Variants in ATXN2 observed in about 807,000 individuals in gnomAD.
The protein encoded by ATXN2 is ataxin 2.
ATXN2 carries 37 observed loss-of-function variants against 138.6 expected under a neutral mutation model. That is an observed-to-expected ratio of 0.27 (90% CI 0.21 to 0.35). The LOEUF (loss-of-function observed/expected upper bound fraction) is 0.35, where lower values mean the gene tolerates loss of function less well. ATXN2 is among the 10% of genes least tolerant of loss of function. The probability of loss-of-function intolerance (pLI) is 1.00; values close to 1 mark genes in which losing one functional copy is unlikely to be tolerated. For missense variants in ATXN2, 1,216 were observed against 1,480.3 expected (o/e 0.82, Z 2.93); for synonymous variants, 549 against 543.7 (o/e 1.01, Z -0.13).
chr12:111,454,897 C>A, intron 23 of ATXN2: 1 of 607,224 alleles, frequency 1.6e-6, no homozygotes, highest in Non-Finnish European at 3.0e-6. Context: ...GAAGCTGACT[C>A]CACCAAACCA....
intron 5 of ATXN2, among the ~76,000 whole-genome samples, chr12:111,541,997 T>C (rs1881547737): frequency 6.8e-6 from 1 of 147,184 alleles, no homozygotes; most frequent in Non-Finnish European, 1.5e-5. Flanking sequence ...CAAACTCCCG[T>C]CCTCAAGTGA....
At chr12:111,463,541 T>C (rs2135663472) in intron 21 of ATXN2, among the ~76,000 whole-genome samples, 1 of 152,098 alleles carries the variant, frequency 6.6e-6, no homozygotes, top group East Asian at 1.9e-4. Flanking sequence ...CCTCCCAAAG[T>C]ACTGGGATTA....
chr12:111,468,140 T>C (rs987921233), intron 20 of ATXN2, among the ~76,000 whole-genome samples: 2 of 152,248 alleles, frequency 1.3e-5, no homozygotes, highest in African/African-American at 4.8e-5. Flanking sequence ...CCTAAGCCTT[T>C]AGCAAACAGG....
At position 111,488,730 on chromosome 12, in the gene ATXN2, A is replaced by T; in HGVS notation, c.1986T>A (p.Asn662Lys). ...AATCTCTTGATTTTTCTCCCTCTCT[A>T]TTTTTGTTTAGTAGTTGATCCATAG... Reference protein sequence around the residue: ...SESMDQLLNKNREGEKSRDLI... With the variant: ...SESMDQLLNKKREGEKSRDLI... The change falls in exon 15 of 25, where the codon AAT (asparagine) becomes AAA (lysine). Residue 662 changes from asparagine (N) to lysine (K), a missense_variant. Physicochemically the swap from Asn to Lys is moderately conservative, Grantham distance 94. Around this residue, in one of 4 missense-constraint regions of ATXN2, gnomAD observed 490 missense variants for 653.5 expected, o/e 0.75. Transcript: ENST00000673436. The T allele has an allele frequency of 6.2e-7, 1 of 1,610,758 alleles. No individual in the cohort carries two copies. Among genetic ancestry groups the T allele is most frequent in the Non-Finnish European group, 8.5e-7 (1 of 1,177,856 alleles).
At chr12:111,551,868 A>C (rs1592893037) in intron 5 of ATXN2, among the ~76,000 whole-genome samples, 1 of 152,096 alleles carries the variant, frequency 6.6e-6, no homozygotes, top group South Asian at 2.1e-4. Flanking sequence ...TCTAGAAAGT[A>C]GATATTTCTT....
intron 1 of ATXN2, among the ~76,000 whole-genome samples, chr12:111,568,635 T>C (rs145598451): frequency 1.3e-5 from 2 of 152,324 alleles, no homozygotes; most frequent in African/African-American, 4.8e-5. Context: ...TGCCCCTTTC[T>C]TGTTAGTTAC....
intron 23 of ATXN2, chr12:111,454,829 T>G (rs1168742307): frequency 1.9e-6 from 1 of 515,704 alleles, no homozygotes; most frequent in Non-Finnish European, 3.5e-6. Flanking sequence ...ACATGTAAGT[T>G]CACATGCCTA....
intron 1 of ATXN2, among the ~76,000 whole-genome samples, chr12:111,576,880 C>T (rs558410153): frequency 6.6e-6 from 1 of 152,078 alleles, no homozygotes; most frequent in East Asian, 2.0e-4. Flanking sequence ...ATGGCATGAA[C>T]CTGGGAGTCG....
intron 1 of ATXN2, among the ~76,000 whole-genome samples, chr12:111,579,057 G>T (rs1883843001): frequency 6.6e-6 from 1 of 152,110 alleles, no homozygotes; most frequent in Admixed American, 6.6e-5. Context: ...TTCATACACT[G>T]CTAGGGAAAG....
intron 12 of ATXN2, 149 bp downstream of exon 12, chr12:111,510,236 C>T (rs1879424189): frequency 1.6e-5 from 15 of 939,422 alleles, no homozygotes; most frequent in Admixed American, 2.7e-5. Context: ...TAGTATTAAA[C>T]AACATCAAAA....
At chr12:111,567,709 G>A (rs1173957508) in intron 1 of ATXN2, among the ~76,000 whole-genome samples, 2 of 151,604 alleles carry the variant, frequency 1.3e-5, no homozygotes, top group Non-Finnish European at 2.9e-5. Context: ...AGCTACTCAT[G>A]AGGCTGACAC....
In ATXN2 at chr12:111,571,971, C is replaced by T. The variant is rs555685461; in HGVS notation, c.252-16052G>A. Among the ~76,000 whole-genome samples, 15 of 147,084 alleles carry T rather than the reference C, an allele frequency of 1.0e-4. No individual in the cohort carries two copies. In the South Asian group the frequency reaches 3.0e-3, roughly 29 times the overall value. ...AGGTTGCAGTGAGCCAAGATTGCAC[C>T]ACTGCACTCCAGCCTGAGCAACACA... is the stretch of plus-strand genomic sequence containing the variant. On this transcript the variant is annotated intron_variant, in intron 1 of 24. Transcript: ENST00000673436.
At chr12:111,517,824 CAAAT>C (rs1470982690) in intron 9 of ATXN2, among the ~76,000 whole-genome samples, 2 of 152,024 alleles carry the variant, frequency 1.3e-5, no homozygotes, top group Non-Finnish European at 2.9e-5. Context: ...AATATAGAAA[CAAAT>C]AATGAAAATT....
intron 5 of ATXN2, among the ~76,000 whole-genome samples, chr12:111,549,919 G>A (rs1004147891): frequency 2.6e-5 from 4 of 151,830 alleles, no homozygotes; most frequent in Admixed American, 6.6e-5. Context: ...AAAATTAGCC[G>A]GGCATGGTGG....
chr12:111,551,895 T>G (rs1252593761), intron 5 of ATXN2, among the ~76,000 whole-genome samples: 3 of 152,110 alleles, frequency 2.0e-5, no homozygotes, highest in Admixed American at 6.6e-5. Flanking sequence ...TTCTTTTTTT[T>G]TTTGAAACGG....
chr12:111,520,212 A>T, intron 7 of ATXN2, 136 bp from the exon 8 acceptor site: 5 of 1,134,336 alleles, frequency 4.4e-6, no homozygotes, highest in Non-Finnish European at 6.1e-6. Context: ...ACTAAAACTA[A>T]AAGTTATAGT....
At position 111,462,969 on chromosome 12, in the gene ATXN2, T is replaced by TACACACACAC. The variant is rs199797015; in HGVS notation, c.2896+1692_2896+1693insGTGTGTGTGT. 8.7e-3 allele frequency among the ~76,000 whole-genome samples: 1,186 copies of TACACACACAC among 136,172 alleles called. 17 individuals carry two copies. Among genetic ancestry groups the TACACACACAC allele is most frequent in the African/African-American group, 0.03 (1,089 of 35,708 alleles). 89.3% of individuals were successfully genotyped at this position (136,172 alleles called of 152,430 possible). ...AATTATATATACACACATACATATA[T>TACACACACAC]ATATATATACACACACACACACACA... is the stretch of plus-strand genomic sequence containing the variant. On this transcript the variant is annotated intron_variant, in intron 21 of 24. Transcript: ENST00000673436.
chr12:111,488,745 T>C lies in ATXN2; in HGVS notation c.1971A>G (p.Gln657=). The change falls in exon 15 of 25, where the codon CAA becomes CAG. Residue 657 remains glutamine, a synonymous_variant. Transcript: ENST00000673436. The stretch of plus-strand genomic sequence containing the variant: ...CTCCCTCTCTATTTTTGTTTAGTAG[T>C]TGATCCATAGATTCAGAAGTAGAAC... ...QPSSTSESMD[Q]LLNKNREGEK... 1 of 1,609,770 alleles carries C rather than the reference T, an allele frequency of 6.2e-7. No individual in the cohort carries two copies.
chr12:111,456,838 C>A (rs1304081643), intron 22 of ATXN2, among the ~76,000 whole-genome samples: 1 of 152,146 alleles, frequency 6.6e-6, no homozygotes, highest in Admixed American at 6.5e-5. Context: ...AGCTCCGCCT[C>A]CCGGGTTCAC....
Sources: gnomAD v4.1 joint callset for allele counts (sites outside exome capture counted in the v4.1 genomes callset) on GRCh38, gnomAD v4.1.1 for gene constraint, gnomAD v4.1.1 regional missense constraint, MANE v1.5 for transcripts, NCBI Gene and HGNC (gene_info 2026-07-23, HGNC 2026-07-21) for gene names.